CCDC30: variants seen among roughly 807,000 people sequenced by gnomAD.
The protein encoded by CCDC30 is coiled-coil domain-containing protein 30.
A neutral mutation model predicts 100.2 loss-of-function variants in CCDC30; 70 were observed. That is an observed-to-expected ratio of 0.70 (90% CI 0.58 to 0.85). The LOEUF is 0.85. Ranked by LOEUF, CCDC30 falls within the 40% of genes least tolerant of loss-of-function variation. The probability of loss-of-function intolerance (pLI) is 0.00; values close to 1 mark genes in which losing one functional copy is unlikely to be tolerated. For synonymous variants in CCDC30, 233 were observed against 269.5 expected (o/e 0.86, Z 1.33); for missense variants, 652 against 771.2 (o/e 0.85, Z 1.83).
At chr1:42,502,281 C>G (rs1017368492) in intron 6 of CCDC30, among the ~76,000 whole-genome samples, 2 of 152,174 alleles carry the variant, frequency 1.3e-5, no homozygotes, top group Non-Finnish European at 2.9e-5. Context: ...CCGAGCCATG[C>G]GTGGGATATA....
chr1:42,610,037 C>T (rs6600415), intron 10 of CCDC30, among the ~76,000 whole-genome samples: 6,466 of 152,268 alleles, frequency 0.042, 443 homozygotes, highest in African/African-American at 0.14. Context: ...TCAGACAATG[C>T]CTTGTTCCAG....
intron 6 of CCDC30, among the ~76,000 whole-genome samples, chr1:42,541,640 G>A (rs537697738): frequency 1.3e-4 from 20 of 152,152 alleles, no homozygotes; most frequent in Admixed American, 2.6e-4. Context: ...TATTACTTTT[G>A]CCTTTGCAAT....
intron 13 of CCDC30, 55 bp from the exon 18 acceptor site, chr1:42,644,636 GTT>G: frequency 9.0e-7 from 1 of 1,108,768 alleles, no homozygotes. Flanking sequence ...GTAGTTTTGG[GTT>G]TTTAGTAATG....
chr1:42,572,015 C>A (rs530242017), intron 7 of CCDC30, among the ~76,000 whole-genome samples: 1 of 152,278 alleles, frequency 6.6e-6, no homozygotes, highest in African/African-American at 2.4e-5. Context: ...AATGAACACT[C>A]ATGCACATGT....
chr1:42,487,913 G>A (rs1265890536), intron 3 of CCDC30, among the ~76,000 whole-genome samples: 4 of 152,196 alleles, frequency 2.6e-5, no homozygotes, highest in Non-Finnish European at 1.5e-5. Context: ...GGCACACCAT[G>A]CCCGGACTCC....
intron 6 of CCDC30, among the ~76,000 whole-genome samples, chr1:42,515,639 T>A (rs1415145874): frequency 2.0e-5 from 3 of 152,224 alleles, no homozygotes. Context: ...AGAACTCTGA[T>A]AAATAAACTT....
At chr1:42,613,832 T>C (rs900596031) in intron 11 of CCDC30, among the ~76,000 whole-genome samples, 1 of 152,132 alleles carries the variant, frequency 6.6e-6, no homozygotes, top group Non-Finnish European at 1.5e-5. Context: ...TTGTGACCTG[T>C]ATCTTGTGCC....
At chr1:42,525,383 A>AT (rs554742283) in intron 6 of CCDC30, among the ~76,000 whole-genome samples, 12 of 151,588 alleles carry the variant, frequency 7.9e-5, no homozygotes, top group Non-Finnish European at 1.3e-4. Flanking sequence ...AAGTTCACTC[A>AT]TTTTTTTTCT....
At chr1:42,520,337 C>CTT (rs536492306) in intron 6 of CCDC30, among the ~76,000 whole-genome samples, 7 of 144,398 alleles carry the variant, frequency 4.8e-5, no homozygotes, top group Admixed American at 2.8e-4. Context: ...TTTCTTTTCT[C>CTT]TTTTTTTTTT....
intron 11 of CCDC30, among the ~76,000 whole-genome samples, chr1:42,635,067 G>GT (rs1367958723): frequency 6.6e-6 from 1 of 151,946 alleles, no homozygotes; most frequent in East Asian, 1.9e-4. Context: ...TTGTTTGTTT[G>GT]TTTTTTGAGA....
At chr1:42,505,317 C>G (rs1644378011) in intron 6 of CCDC30, among the ~76,000 whole-genome samples, 1 of 152,082 alleles carries the variant, frequency 6.6e-6, no homozygotes, top group South Asian at 2.1e-4. Flanking sequence ...GATAATTGAT[C>G]CAGATTTTTA....
chr1:42,633,077 T>A (rs1332252528), intron 11 of CCDC30, among the ~76,000 whole-genome samples: 1 of 152,158 alleles, frequency 6.6e-6, no homozygotes, highest in Non-Finnish European at 1.5e-5. Context: ...CCCAAAGTGC[T>A]GGGATTACAG....
chr1:42,475,063 C>T (rs1372571876), intron 1 of CCDC30, among the ~76,000 whole-genome samples: 1 of 151,918 alleles, frequency 6.6e-6, no homozygotes, highest in Non-Finnish European at 1.5e-5. Flanking sequence ...GAGAGGGAAA[C>T]TTGATTTAAA....
chr1:42,574,182 G>T (rs890105983), intron 7 of CCDC30, among the ~76,000 whole-genome samples: 1 of 152,030 alleles, frequency 6.6e-6, no homozygotes, highest in African/African-American at 2.4e-5. Flanking sequence ...TTTGTATTAA[G>T]TTACAATGAT....
intron 7 of CCDC30, among the ~76,000 whole-genome samples, chr1:42,576,522 A>C (rs1327143552): frequency 6.6e-6 from 1 of 152,242 alleles, no homozygotes; most frequent in African/African-American, 2.4e-5. Context: ...ATAGAAATGG[A>C]TAGCAAATCA....
chr1:42,598,855 G>A (rs1646345396), intron 10 of CCDC30, among the ~76,000 whole-genome samples: 1 of 152,066 alleles, frequency 6.6e-6, no homozygotes, highest in African/African-American at 2.4e-5. Context: ...GAGACCAGGA[G>A]TTTGAGACCA....
intron 1 of CCDC30, among the ~76,000 whole-genome samples, chr1:42,477,974 A>C (rs573370003): frequency 4.6e-5 from 7 of 152,236 alleles, no homozygotes; most frequent in East Asian, 1.9e-4. Context: ...CTAAGAAGAA[A>C]TGTGGCTGGA....
chr1:42,588,632 G>T (rs1371849735), intron 9 of CCDC30, among the ~76,000 whole-genome samples: 1 of 152,178 alleles, frequency 6.6e-6, no homozygotes, highest in Non-Finnish European at 1.5e-5. Flanking sequence ...CTGTGGAGGT[G>T]TTGTTATATT....
chr1:42,486,181 A>T (rs1244088904), intron 3 of CCDC30, among the ~76,000 whole-genome samples: 2 of 152,234 alleles, frequency 1.3e-5, no homozygotes, highest in Non-Finnish European at 2.9e-5. Flanking sequence ...AAATGTTCAT[A>T]ACAATATTAG....
Sources: gnomAD v4.1 joint callset for allele counts (sites outside exome capture counted in the v4.1 genomes callset) on GRCh38, gnomAD v4.1.1 for gene constraint, MANE v1.5 for transcripts, NCBI Gene and HGNC (gene_info 2026-07-23, HGNC 2026-07-21) for gene names.